The following ZBTB20 variants were observed in gnomAD, a reference collection of about 807,000 sequenced individuals.
ZBTB20 encodes zinc finger and BTB domain-containing protein 20.
In ZBTB20, 9 loss-of-function variants were observed where a neutral mutation model predicts 56.9. The observed-to-expected ratio is 0.16, with a 90% confidence interval of 0.10 to 0.28. ZBTB20 has a LOEUF of 0.28. Ranked by LOEUF, ZBTB20 falls within the 10% of genes least tolerant of loss-of-function variation. The pLI is 1.00. For missense variants in ZBTB20, 655 were observed against 1,003.0 expected, an observed-to-expected ratio of 0.65 and a Z score of 4.69; for synonymous variants, 417 against 420.7, an observed-to-expected ratio of 0.99 and a Z score of 0.11.
intron 4 of ZBTB20, among the ~76,000 whole-genome samples, chr3:114,852,060 T>C (rs1030926977): frequency 2.6e-5 from 4 of 152,046 alleles, no homozygotes; most frequent in African/African-American, 9.7e-5. Flanking sequence ...TTATTCACAA[T>C]TGTGGTAATA....
chr3:114,380,158 A>C, intron 10 of ZBTB20, 59 bp downstream of exon 10: 1 of 1,422,330 alleles, frequency 7.0e-7, no homozygotes, highest in Non-Finnish European at 9.2e-7. Flanking sequence ...GCCAGAACCC[A>C]GGGTAGAAGC....
chr3:114,412,269 G>C (rs959405351), intron 7 of ZBTB20, among the ~76,000 whole-genome samples: 1 of 152,154 alleles, frequency 6.6e-6, no homozygotes, highest in African/African-American at 2.4e-5. Flanking sequence ...AGTTACCATA[G>C]AGTTGTGAGG....
intron 6 of ZBTB20, among the ~76,000 whole-genome samples, chr3:114,621,191 TG>T (rs1446846966): frequency 6.6e-6 from 1 of 152,232 alleles, no homozygotes; most frequent in Non-Finnish European, 1.5e-5. Context: ...TAAGCTAATA[TG>T]TATATTTGCT....
intron 8 of ZBTB20, among the ~76,000 whole-genome samples, chr3:114,386,352 C>T (rs186094702): frequency 4.9e-4 from 75 of 151,922 alleles, no homozygotes; most frequent in African/African-American, 1.8e-3. Context: ...CAGTCAGGAT[C>T]CTGGCAAAAA....
intron 6 of ZBTB20, among the ~76,000 whole-genome samples, chr3:114,535,056 C>T (rs1229448708): frequency 6.6e-6 from 1 of 152,138 alleles, no homozygotes; most frequent in Non-Finnish European, 1.5e-5. Context: ...CTAAAATTGA[C>T]ACTCTAACAT....
intron 5 of ZBTB20, among the ~76,000 whole-genome samples, chr3:114,794,376 G>T (rs2071195278): frequency 6.6e-6 from 1 of 152,010 alleles, no homozygotes; most frequent in Non-Finnish European, 1.5e-5. Context: ...TATGATAGGG[G>T]CTTTGATCAC....
chr3:115,092,636 T>A (rs182432293), intron 1 of ZBTB20, among the ~76,000 whole-genome samples: 10 of 152,086 alleles, frequency 6.6e-5, no homozygotes, highest in Non-Finnish European at 1.5e-4. Context: ...GGCAAGGCAG[T>A]GGACACGGAT....
At chr3:115,076,436 G>A (rs1397118816) in intron 1 of ZBTB20, among the ~76,000 whole-genome samples, 1 of 152,172 alleles carries the variant, frequency 6.6e-6, no homozygotes, top group African/African-American at 2.4e-5. Flanking sequence ...TTACAAGGGT[G>A]TCAAGAATAC....
intron 2 of ZBTB20, among the ~76,000 whole-genome samples, chr3:115,056,927 T>C (rs1210946101): frequency 1.3e-5 from 2 of 152,166 alleles, no homozygotes; most frequent in African/African-American, 2.4e-5. Context: ...AATAACAGGT[T>C]TGTGTCTAAT....
At chr3:114,538,617 A>G (rs1165793697) in intron 6 of ZBTB20, among the ~76,000 whole-genome samples, 1 of 152,164 alleles carries the variant, frequency 6.6e-6, no homozygotes, top group Non-Finnish European at 1.5e-5. Flanking sequence ...GAGATAGGTA[A>G]CCAACCACGC....
intron 1 of ZBTB20, among the ~76,000 whole-genome samples, chr3:115,080,602 C>T (rs2082762119): frequency 6.6e-6 from 1 of 152,026 alleles, no homozygotes; most frequent in Non-Finnish European, 1.5e-5. Flanking sequence ...ATGTTTAAAC[C>T]TAAAGCCAAA....
intron 6 of ZBTB20, among the ~76,000 whole-genome samples, chr3:114,544,413 CTTTCTTTCTTTCTTTCTTTCT>C (rs1559937580): frequency 2.0e-3 from 18 of 8,920 alleles, no homozygotes; most frequent in Middle Eastern, 0.056. Flanking sequence ...TTTCTTCTTT[CTTTCTTTCTTTCTTTCTTTCT>C]TTCTTTCTTT....
chr3:114,825,854 C>A (rs1246199485), intron 4 of ZBTB20, among the ~76,000 whole-genome samples: 1 of 151,700 alleles, frequency 6.6e-6, no homozygotes, highest in Non-Finnish European at 1.5e-5. Flanking sequence ...TTAAACTTGG[C>A]CAGTTTTCTT....
chr3:114,363,329 T>A (rs1331973482), intron 10 of ZBTB20, among the ~76,000 whole-genome samples: 1 of 152,150 alleles, frequency 6.6e-6, no homozygotes, highest in Admixed American at 6.5e-5. Context: ...GCAGAGAAGG[T>A]CTTAATTTAT....
At chr3:115,098,451 A>C (rs1294205858) in intron 1 of ZBTB20, among the ~76,000 whole-genome samples, 2 of 152,146 alleles carry the variant, frequency 1.3e-5, no homozygotes, top group African/African-American at 2.4e-5. Context: ...GTATATGAAA[A>C]ACAAAATTAT....
At chr3:114,688,940 T>G (rs891218973) in intron 6 of ZBTB20, among the ~76,000 whole-genome samples, 11 of 152,174 alleles carry the variant, frequency 7.2e-5, no homozygotes, top group Non-Finnish European at 1.5e-4. Context: ...TAGTGTCCCA[T>G]GGACCAATCC....
chr3:115,071,618 C>T (rs1284505918), intron 1 of ZBTB20, among the ~76,000 whole-genome samples: 3 of 152,080 alleles, frequency 2.0e-5, no homozygotes, highest in Non-Finnish European at 2.9e-5. Flanking sequence ...GTTAAGAAAA[C>T]AATAGGATAG....
intron 6 of ZBTB20, among the ~76,000 whole-genome samples, chr3:114,638,703 C>A (rs1015997487): frequency 6.6e-6 from 1 of 151,586 alleles, no homozygotes; most frequent in African/African-American, 2.4e-5. Context: ...AGGATGAAAC[C>A]AGGTCAAAAA....
intron 4 of ZBTB20, among the ~76,000 whole-genome samples, chr3:114,841,862 A>G (rs1157062459): frequency 6.6e-6 from 1 of 152,138 alleles, no homozygotes. Context: ...GGAGAAAATG[A>G]GATTGCCTGG....
Sources: gnomAD v4.1 joint callset for allele counts (sites outside exome capture counted in the v4.1 genomes callset) on GRCh38, gnomAD v4.1.1 for gene constraint, MANE v1.5 for transcripts, NCBI Gene and HGNC (gene_info 2026-07-23, HGNC 2026-07-21) for gene names.